Variants in ZFPM2 observed in about 807,000 individuals in gnomAD.
ZFPM2 encodes the protein zinc finger protein, FOG family member 2, also known as zinc finger protein ZFPM2.
Under a neutral mutation model 98.6 loss-of-function variants are expected in ZFPM2, and 20 were observed. That is an observed-to-expected ratio of 0.20 (90% CI 0.14 to 0.29). The LOEUF (loss-of-function observed/expected upper bound fraction) is 0.29. Ranked by LOEUF, ZFPM2 falls within the 10% of genes least tolerant of loss-of-function variation. The pLI is 1.00. For synonymous variants in ZFPM2, 518 were observed against 502.7 expected (o/e 1.03, Z -0.41); for missense variants, 1,310 against 1,388.6 (o/e 0.94, Z 0.90).
At chr8:105,764,638 G>A (rs1333486243) in intron 5 of ZFPM2, among the ~76,000 whole-genome samples, 1 of 151,574 alleles carries the variant, frequency 6.6e-6, no homozygotes, top group African/African-American at 2.4e-5. Flanking sequence ...ACCTTGACTC[G>A]ATTATATTTC....
intron 1 of ZFPM2, among the ~76,000 whole-genome samples, chr8:105,347,446 TC>T (rs1812560197): frequency 6.6e-6 from 1 of 152,192 alleles, no homozygotes; most frequent in South Asian, 2.1e-4. Flanking sequence ...AAATGCATAT[TC>T]AGTATGAAAT....
chr8:105,779,386 G>A (rs1349983507), intron 5 of ZFPM2, among the ~76,000 whole-genome samples: 1 of 152,152 alleles, frequency 6.6e-6, no homozygotes, highest in African/African-American at 2.4e-5. Flanking sequence ...TTTTTAGAAA[G>A]CAAGCGTCTA....
chr8:105,787,878 C>G (rs779954258), intron 5 of ZFPM2, among the ~76,000 whole-genome samples: 9 of 152,158 alleles, frequency 5.9e-5, no homozygotes, highest in African/African-American at 2.2e-4. Flanking sequence ...AACGAGCATT[C>G]GCTATCACAT....
intron 3 of ZFPM2, among the ~76,000 whole-genome samples, chr8:105,459,175 T>G (rs1349313269): frequency 6.6e-6 from 1 of 152,158 alleles, no homozygotes; most frequent in African/African-American, 2.4e-5. Flanking sequence ...GCCTCCCAGA[T>G]AGCTGGGACC....
intron 4 of ZFPM2, among the ~76,000 whole-genome samples, chr8:105,633,963 CAGAGCCACA>C (rs1816799068): frequency 6.6e-6 from 1 of 151,800 alleles, no homozygotes; most frequent in Admixed American, 6.6e-5. Flanking sequence ...CTTTATAATT[CAGAGCCACA>C]AGAGATCTGT....
chr8:105,676,952 TAAA>T (rs1406139396), intron 5 of ZFPM2, among the ~76,000 whole-genome samples: 3 of 152,160 alleles, frequency 2.0e-5, no homozygotes, highest in South Asian at 4.1e-4. Flanking sequence ...GAAAACTTGT[TAAA>T]GAAGTATAGA....
chr8:105,769,977 G>T (rs1464742297), intron 5 of ZFPM2, among the ~76,000 whole-genome samples: 1 of 152,008 alleles, frequency 6.6e-6, no homozygotes, highest in Non-Finnish European at 1.5e-5. Flanking sequence ...TTTCTTATAT[G>T]TGTTAAAAAC....
chr8:105,488,105 A>AT (rs1813272233), intron 3 of ZFPM2, among the ~76,000 whole-genome samples: 1 of 152,166 alleles, frequency 6.6e-6, no homozygotes, highest in Non-Finnish European at 1.5e-5. Context: ...ACAATTGATG[A>AT]ATCTGTATTG....
chr8:105,574,937 T>C (rs1815432107), intron 4 of ZFPM2, among the ~76,000 whole-genome samples: 1 of 142,142 alleles, frequency 7.0e-6, no homozygotes, highest in African/African-American at 2.5e-5. Context: ...TCAGCTCCTA[T>C]AGGAAAAAAA....
At chr8:105,529,467 G>A (rs1774241846) in intron 3 of ZFPM2, among the ~76,000 whole-genome samples, 1 of 151,974 alleles carries the variant, frequency 6.6e-6, no homozygotes, top group African/African-American at 2.4e-5. Flanking sequence ...GAAGTCTAGT[G>A]ACTGTCACAA....
chr8:105,572,709 A>T (rs1471702500), intron 4 of ZFPM2, among the ~76,000 whole-genome samples: 1 of 151,470 alleles, frequency 6.6e-6, no homozygotes, highest in African/African-American at 2.4e-5. Context: ...ACCTCAGGTG[A>T]TCTGCGTGCC....
intron 3 of ZFPM2, among the ~76,000 whole-genome samples, chr8:105,453,622 GT>G (rs1199971759): frequency 6.6e-6 from 1 of 151,042 alleles, no homozygotes; most frequent in African/African-American, 2.4e-5. Flanking sequence ...TTTTTCTGGA[GT>G]TTTTTTTGTT....
intron 5 of ZFPM2, among the ~76,000 whole-genome samples, chr8:105,711,377 A>C (rs372860068): frequency 6.6e-6 from 1 of 152,012 alleles, no homozygotes; most frequent in African/African-American, 2.4e-5. Flanking sequence ...GTATTATTAC[A>C]CCTCAGATTT....
chr8:105,566,993 A>C (rs1415532080), intron 4 of ZFPM2, among the ~76,000 whole-genome samples: 1 of 152,180 alleles, frequency 6.6e-6, no homozygotes, highest in Non-Finnish European at 1.5e-5. Flanking sequence ...CATGTATCAA[A>C]TTGCATCTTA....
At chr8:105,391,471 T>A (rs766579604) in intron 1 of ZFPM2, among the ~76,000 whole-genome samples, 6 of 152,198 alleles carry the variant, frequency 3.9e-5, no homozygotes, top group African/African-American at 7.2e-5. Context: ...AGTCTTCCAG[T>A]CATGAAAGAT....
chr8:105,318,966 C>T lies in ZFPM2; in HGVS notation c.25C>T (p.Pro9Ser). 1 of 1,485,356 alleles carries T rather than the reference C, an allele frequency of 6.7e-7. No individual in the cohort carries two copies. The highest frequency in any genetic ancestry group is 9.0e-7 in the Non-Finnish European group (1 of 1,109,798). 92.0% of individuals were successfully genotyped at this position (1,485,356 alleles called of 1,614,324 possible). A position where few individuals can be genotyped will look rare whatever the true frequency, so the allele number is the denominator to read the frequency against. MSRRKQSK[P>S]RQIKRPLEDA... is the part of the protein sequence containing the mutation. ...GATGTCCCGGCGAAAGCAAAGCAAACCCCGGCAGATCAAACGTAAGTTTGC... is the reference window on the plus strand; with the variant it reads ...GATGTCCCGGCGAAAGCAAAGCAAATCCCGGCAGATCAAACGTAAGTTTGC... Residue 9 changes from proline (P) to serine (S), a missense_variant, in exon 1 of 8, where the codon CCC becomes TCC. Pro to Ser is a moderately conservative substitution (Grantham distance 74, BLOSUM62 -1). Transcript: ENST00000407775.
At chr8:105,612,534 A>C (rs1472686185) in intron 4 of ZFPM2, among the ~76,000 whole-genome samples, 1 of 152,192 alleles carries the variant, frequency 6.6e-6, no homozygotes, top group Non-Finnish European at 1.5e-5. Flanking sequence ...CCCTGTATTT[A>C]ATCATTTCAC....
At chr8:105,406,274 A>G (rs1345630900) in intron 1 of ZFPM2, among the ~76,000 whole-genome samples, 2 of 152,022 alleles carry the variant, frequency 1.3e-5, no homozygotes, top group African/African-American at 4.8e-5. Context: ...GAAGCTCTTT[A>G]GTTTAATTAG....
chr8:105,776,339 C>T (rs1357950479), intron 5 of ZFPM2, among the ~76,000 whole-genome samples: 1 of 152,056 alleles, frequency 6.6e-6, no homozygotes, highest in Non-Finnish European at 1.5e-5. Context: ...TCCGATCAGA[C>T]CTATATATTA....
Sources: gnomAD v4.1 joint callset for allele counts (sites outside exome capture counted in the v4.1 genomes callset) on GRCh38, gnomAD v4.1.1 for gene constraint, MANE v1.5 for transcripts, NCBI Gene and HGNC (gene_info 2026-07-23, HGNC 2026-07-21) for gene names.